PICALM: variants seen among roughly 807,000 people sequenced by gnomAD.
PICALM encodes phosphatidylinositol-binding clathrin assembly protein.
In PICALM, 40 loss-of-function variants were observed where a neutral mutation model predicts 80.5. The observed-to-expected ratio is 0.50, with a 90% CI of 0.39 to 0.65. The LOEUF is 0.65. Ranked by LOEUF, PICALM falls within the 30% of genes least tolerant of loss-of-function variation. The pLI, the probability that PICALM is intolerant of heterozygous loss-of-function variation, is 0.00. For missense variants in PICALM, 676 were observed against 778.9 expected (o/e 0.87, Z 1.57); for synonymous variants, 288 against 260.3 (o/e 1.11, Z -1.02).
intron 1 of PICALM, among the ~76,000 whole-genome samples, chr11:86,042,911 A>G (rs1301174769): frequency 1.3e-5 from 2 of 152,230 alleles, no homozygotes; most frequent in African/African-American, 4.8e-5. Flanking sequence ...CATTTATGGT[A>G]TAATATCTAT....
rs532320915 is a variant in PICALM, at chr11:85,979,577, G to T, written c.1779+1552C>A. Reference sequence around the variant, plus strand: ...ACAAAAACAACAACAAAAAAACACTGCCTTAAAAAGGTAGCTAAATCTCAA... The same window carrying T: ...ACAAAAACAACAACAAAAAAACACTTCCTTAAAAAGGTAGCTAAATCTCAA... On this transcript the variant is annotated intron_variant, in intron 17 of 19. Coordinates refer to ENST00000393346, the MANE Select transcript of PICALM (RefSeq NM_007166.4). 3.3e-5 allele frequency among the ~76,000 whole-genome samples: 5 copies of T among 151,998 alleles called. No homozygotes were observed. In the South Asian group the frequency reaches 8.3e-4, roughly 25 times the overall value.
intron 8 of PICALM, among the ~76,000 whole-genome samples, chr11:86,007,073 C>A (rs981878359): frequency 1.3e-5 from 2 of 152,016 alleles, no homozygotes; most frequent in Non-Finnish European, 1.5e-5. Context: ...GAAATTTCGA[C>A]GTATCCCAAA....
At chr11:86,017,817 A>T (rs1387237215) in intron 4 of PICALM, among the ~76,000 whole-genome samples, 1 of 152,234 alleles carries the variant, frequency 6.6e-6, no homozygotes, top group Non-Finnish European at 1.5e-5. Flanking sequence ...TGTTTTTAGA[A>T]AATATTCACC....
At position 86,000,635 on chromosome 11, in the gene PICALM, A is replaced by C. The variant is rs1248270594; in HGVS notation, c.1154+8T>G. On this transcript the variant is annotated splice_region_variant and intron_variant, in intron 11 of 19. Coordinates refer to ENST00000393346, the MANE Select transcript of PICALM (RefSeq NM_007166.4). The stretch of plus-strand genomic sequence containing the variant: ...ATATTCAAAGGTAACCTTAACTTCT[A>C]CTCCTACCTGTTAGAAGAACTAGGG... 1.2e-6 allele frequency: 2 copies of C among 1,609,798 alleles called. No homozygotes were observed. The highest frequency in any genetic ancestry group is 2.7e-5 in the African/African-American group (2 of 74,860).
At chr11:86,055,001 AT>A (rs898324980) in intron 1 of PICALM, among the ~76,000 whole-genome samples, 13 of 152,030 alleles carry the variant, frequency 8.6e-5, no homozygotes, top group African/African-American at 3.1e-4. Flanking sequence ...AAAAAATATG[AT>A]TTTTTTTAAA....
chr11:86,069,239 G>C (rs1308193662), upstream of PICALM: 1 of 180,578 alleles, frequency 5.5e-6, no homozygotes, highest in African/African-American at 2.4e-5. Context: ...CGGCGCCCGC[G>C]CGTTACGTGA....
intron 19 of PICALM, among the ~76,000 whole-genome samples, chr11:85,968,675 C>T (rs1486487338): frequency 6.6e-6 from 1 of 152,038 alleles, no homozygotes; most frequent in Non-Finnish European, 1.5e-5. Flanking sequence ...ATGTAAAGCA[C>T]CAGTAAGAGA....
intron 11 of PICALM, among the ~76,000 whole-genome samples, chr11:85,997,770 C>G (rs990373722): frequency 2.0e-5 from 3 of 150,948 alleles, no homozygotes; most frequent in African/African-American, 7.3e-5. Flanking sequence ...TGTGCTCAGC[C>G]TCTTTTTTTG....
intron 3 of PICALM, among the ~76,000 whole-genome samples, chr11:86,024,295 A>T (rs2095614335): frequency 6.6e-6 from 1 of 151,904 alleles, no homozygotes; most frequent in Non-Finnish European, 1.5e-5. Flanking sequence ...CATATAGATT[A>T]CTGGTCTTCT....
intron 19 of PICALM, among the ~76,000 whole-genome samples, chr11:85,963,892 G>A: frequency 7.3e-6 from 1 of 137,044 alleles, no homozygotes. Context: ...AAGTAGCTGG[G>A]ATTACAGGCA....
intron 1 of PICALM, among the ~76,000 whole-genome samples, chr11:86,058,625 TTACCACCATTGC>T (rs1366273904): frequency 6.6e-6 from 1 of 152,204 alleles, no homozygotes; most frequent in Non-Finnish European, 1.5e-5. Flanking sequence ...GATCCTATTT[TTACCACCATTGC>T]TACCACCACC....
chr11:85,970,718 G>A (rs948928001), intron 19 of PICALM, among the ~76,000 whole-genome samples: 4 of 152,150 alleles, frequency 2.6e-5, no homozygotes, highest in African/African-American at 9.7e-5. Context: ...TGAGGCAGGA[G>A]GTTTAACACA....
intron 9 of PICALM, among the ~76,000 whole-genome samples, chr11:86,001,693 T>G (rs1179388587): frequency 6.6e-6 from 1 of 152,246 alleles, no homozygotes; most frequent in African/African-American, 2.4e-5. Context: ...AATCTAGTCA[T>G]CAGGCCATTT....
At chr11:85,985,131 T>C (rs961633648) in intron 13 of PICALM, among the ~76,000 whole-genome samples, 3 of 152,172 alleles carry the variant, frequency 2.0e-5, no homozygotes, top group Admixed American at 6.5e-5. Flanking sequence ...GTGTCCTAAA[T>C]TTAGGATCCC....
intron 1 of PICALM, among the ~76,000 whole-genome samples, chr11:86,052,622 T>C (rs2096208467): frequency 6.6e-6 from 1 of 152,202 alleles, no homozygotes; most frequent in South Asian, 2.1e-4. Context: ...CAAAATCTCA[T>C]CTCAGCTTCC....
At chr11:85,960,608 T>G in intron 19 of PICALM, 2 of 624,168 alleles carry the variant, frequency 3.2e-6, no homozygotes, top group South Asian at 3.0e-5. Flanking sequence ...AAGCGTGAAT[T>G]GTGTTTAATG....
At chr11:86,041,723 T>G (rs2095972925) in intron 1 of PICALM, among the ~76,000 whole-genome samples, 1 of 152,210 alleles carries the variant, frequency 6.6e-6, no homozygotes, top group Admixed American at 6.5e-5. Flanking sequence ...CATTATGTAA[T>G]TGCTCTAAAA....
intron 12 of PICALM, among the ~76,000 whole-genome samples, 184 bp downstream of exon 12, chr11:85,996,642 T>C (rs1456701967): frequency 6.6e-6 from 1 of 152,198 alleles, no homozygotes; most frequent in Non-Finnish European, 1.5e-5. Context: ...TAATTGAACA[T>C]AAATTCCTAA....
At chr11:86,036,497 C>T (rs1226831180) in intron 1 of PICALM, among the ~76,000 whole-genome samples, 1 of 152,142 alleles carries the variant, frequency 6.6e-6, no homozygotes, top group African/African-American at 2.4e-5. Flanking sequence ...CATAATTGGA[C>T]TTTAATAACT....
Sources: allele counts gnomAD v4.1 joint callset (sites outside exome capture counted in the v4.1 genomes callset), GRCh38; gene constraint gnomAD v4.1.1; transcripts MANE v1.5; gene names NCBI Gene and HGNC (gene_info 2026-07-23, HGNC 2026-07-21).